The following PRKG1 variants were observed in gnomAD, a reference collection of about 807,000 sequenced individuals.
PRKG1 encodes the protein cGMP-dependent protein kinase 1.
Under a neutral mutation model 88.1 loss-of-function variants are expected in PRKG1, and 35 were observed. The observed-to-expected ratio is 0.40, with a 90% CI of 0.30 to 0.53. PRKG1 has a LOEUF of 0.53. Among genes scored for constraint, PRKG1 ranks in the 20% least tolerant of loss-of-function variants. PRKG1 has a pLI of 0.59. For missense variants in PRKG1, 540 were observed against 839.8 expected (o/e 0.64, Z 4.41); for synonymous variants, 303 against 292.5 (o/e 1.04, Z -0.37).
At chr10:51,125,397 T>C (rs1156833861) in intron 1 of PRKG1, among the ~76,000 whole-genome samples, 3 of 150,720 alleles carry the variant, frequency 2.0e-5, no homozygotes, top group Non-Finnish European at 3.0e-5. Flanking sequence ...TAAATTTATT[T>C]AAAAATTTGG....
intron 1 of PRKG1, among the ~76,000 whole-genome samples, chr10:51,033,498 T>C (rs1453387281): frequency 6.6e-6 from 1 of 152,182 alleles, no homozygotes; most frequent in Non-Finnish European, 1.5e-5. Flanking sequence ...TTTATACTTA[T>C]CTTTGAATAA....
intron 12 of PRKG1, among the ~76,000 whole-genome samples, chr10:52,277,143 A>G (rs1253487541): frequency 3.3e-5 from 5 of 152,152 alleles, no homozygotes; most frequent in Admixed American, 6.6e-5. Context: ...AAGATGTACA[A>G]TTTGTGGTCT....
intron 3 of PRKG1, among the ~76,000 whole-genome samples, chr10:51,790,006 G>C (rs1049550020): frequency 6.6e-6 from 1 of 152,156 alleles, no homozygotes; most frequent in Admixed American, 6.5e-5. Flanking sequence ...ATTTTTAGTA[G>C]AGATGGGAGT....
intron 2 of PRKG1, among the ~76,000 whole-genome samples, chr10:51,456,917 TA>T (rs1322901032): frequency 3.3e-5 from 5 of 152,020 alleles, no homozygotes; most frequent in Non-Finnish European, 7.4e-5. Context: ...ATGGCCACAA[TA>T]AAAACAGTCA....
chr10:51,325,901 A>T (rs1245784621), intron 2 of PRKG1, among the ~76,000 whole-genome samples: 1 of 152,088 alleles, frequency 6.6e-6, no homozygotes, highest in African/African-American at 2.4e-5. Flanking sequence ...CTGCTGGGAG[A>T]CATGCACCAG....
intron 3 of PRKG1, among the ~76,000 whole-genome samples, chr10:51,742,147 G>A (rs996584929): frequency 5.9e-5 from 9 of 152,126 alleles, no homozygotes; most frequent in Non-Finnish European, 1.2e-4. Flanking sequence ...AACCATCTGG[G>A]AAAGAGGCTG....
At chr10:51,566,406 T>C (rs575721439) in intron 3 of PRKG1, among the ~76,000 whole-genome samples, 77 of 152,238 alleles carry the variant, frequency 5.1e-4, no homozygotes, top group African/African-American at 1.8e-3. Flanking sequence ...AATAAACTCA[T>C]TGAACAAGCG....
At chr10:51,093,799 TATACACACAC>T (rs1370098102) in intron 1 of PRKG1, among the ~76,000 whole-genome samples, 25 of 127,788 alleles carry the variant, frequency 2.0e-4, no homozygotes, top group African/African-American at 5.8e-4. Flanking sequence ...TATATATATA[TATACACACAC>T]ACACACACAC....
intron 2 of PRKG1, among the ~76,000 whole-genome samples, chr10:51,312,445 C>A (rs1392890700): frequency 1.3e-5 from 2 of 152,166 alleles, no homozygotes; most frequent in Non-Finnish European, 2.9e-5. Flanking sequence ...AGGCAGTCAA[C>A]TCACTGTCAG....
intron 2 of PRKG1, among the ~76,000 whole-genome samples, chr10:51,169,934 G>A (rs1436753178): frequency 6.6e-6 from 1 of 151,758 alleles, no homozygotes; most frequent in African/African-American, 2.4e-5. Context: ...CAACTTCCTC[G>A]AATGCTCGCT....
chr10:51,147,526 C>T (rs564551156), intron 1 of PRKG1, among the ~76,000 whole-genome samples: 47 of 152,180 alleles, frequency 3.1e-4, no homozygotes, highest in Middle Eastern at 3.4e-3. Flanking sequence ...CTTTCCACAT[C>T]ATTGTTTTTA....
intron 1 of PRKG1, among the ~76,000 whole-genome samples, chr10:51,043,485 T>C (rs569632647): frequency 1.3e-5 from 2 of 152,332 alleles, no homozygotes; most frequent in East Asian, 3.9e-4. Context: ...AGTCATCCTT[T>C]TGGCTTCTAT....
intron 9 of PRKG1, among the ~76,000 whole-genome samples, chr10:52,177,211 A>G (rs766106533): frequency 7.9e-5 from 12 of 152,116 alleles, no homozygotes; most frequent in Admixed American, 6.6e-4. Context: ...GAGAGTTTAT[A>G]TTATGAAGGG....
At chr10:51,544,756 T>C (rs540164257) in intron 3 of PRKG1, among the ~76,000 whole-genome samples, 1 of 152,212 alleles carries the variant, frequency 6.6e-6, no homozygotes, top group South Asian at 2.1e-4. Flanking sequence ...TTCTAACTGA[T>C]GGGAGAAAAT....
chr10:52,230,336 C>T (rs1564524552), intron 9 of PRKG1, among the ~76,000 whole-genome samples: 1 of 152,192 alleles, frequency 6.6e-6, no homozygotes, highest in Non-Finnish European at 1.5e-5. Context: ...ATTAACAAAA[C>T]AGTACATGGC....
intron 9 of PRKG1, among the ~76,000 whole-genome samples, chr10:52,244,183 T>A (rs572335890): frequency 6.6e-6 from 1 of 152,222 alleles, no homozygotes; most frequent in East Asian, 1.9e-4. Flanking sequence ...TGCTTAGAAT[T>A]TTAGAAGTCT....
intron 3 of PRKG1, among the ~76,000 whole-genome samples, chr10:51,531,637 C>CTTT (rs34091409): frequency 0.019 from 1,315 of 67,878 alleles, 293 homozygotes; most frequent in African/African-American, 0.057. Flanking sequence ...AAAAAGAATT[C>CTTT]TTTTTTTTTT....
At chr10:51,104,146 G>T (rs1436986476) in intron 1 of PRKG1, among the ~76,000 whole-genome samples, 1 of 152,102 alleles carries the variant, frequency 6.6e-6, no homozygotes, top group Non-Finnish European at 1.5e-5. Flanking sequence ...TTCTATAGTA[G>T]CAAGTAAATA....
At chr10:51,949,987 G>A (rs369025031) in intron 5 of PRKG1, among the ~76,000 whole-genome samples, 11 of 152,206 alleles carry the variant, frequency 7.2e-5, no homozygotes, top group African/African-American at 2.7e-4. Flanking sequence ...TGAGGAAGGT[G>A]ATAGCTGCTA....
Sources: gnomAD v4.1 joint callset for allele counts (sites outside exome capture counted in the v4.1 genomes callset) on GRCh38, gnomAD v4.1.1 for gene constraint, MANE v1.5 for transcripts, NCBI Gene and HGNC (gene_info 2026-07-23, HGNC 2026-07-21) for gene names.